ARHGEF10: variants seen among roughly 807,000 people sequenced by gnomAD.
The protein encoded by ARHGEF10 is Rho guanine nucleotide exchange factor 10.
Under a neutral mutation model 147.4 loss-of-function variants are expected in ARHGEF10, and 140 were observed. The ratio of observed to expected loss-of-function variants is 0.95; its 90% CI spans 0.83 to 1.09. The LOEUF is 1.09. Ranked by LOEUF, ARHGEF10 falls within the 50% of genes least tolerant of loss-of-function variation. The pLI is 0.00. For synonymous variants in ARHGEF10, 902 were observed against 695.8 expected (o/e 1.30, Z -4.67); for missense variants, 2,222 against 1,752.7 (o/e 1.27, Z -4.78).
At chr8:1,902,241 G>C (rs971528260) in intron 15 of ARHGEF10, among the ~76,000 whole-genome samples, 1 of 151,842 alleles carries the variant, frequency 6.6e-6, no homozygotes, top group Admixed American at 6.6e-5. Flanking sequence ...TTCTGAGAAA[G>C]AGTGTTTCAA....
At chr8:1,869,600 T>TTA in intron 7 of ARHGEF10, 1 of 397,842 alleles carries the variant, frequency 2.5e-6, no homozygotes, top group Non-Finnish European at 4.7e-6. Flanking sequence ...CAGGCAAAGG[T>TTA]AATAGTCAAA....
upstream of ARHGEF10, among the ~76,000 whole-genome samples, chr8:1,823,731 C>T (rs533373189): frequency 2.5e-4 from 38 of 151,936 alleles, 1 homozygote; most frequent in East Asian, 6.9e-3. Context: ...CGCGCCCCCT[C>T]CCACGCGTGC....
At chr8:1,837,584 C>T (rs768901240) in intron 1 of ARHGEF10, among the ~76,000 whole-genome samples, 1 of 152,172 alleles carries the variant, frequency 6.6e-6, no homozygotes, top group African/African-American at 2.4e-5. Flanking sequence ...CACACAAAGC[C>T]ACGTGGCTGT....
At chr8:1,869,296 C>T (rs751376511) in intron 7 of ARHGEF10, 46 bp downstream of exon 7, 28 of 1,543,556 alleles carry the variant, frequency 1.8e-5, no homozygotes, top group Non-Finnish European at 2.4e-5. Flanking sequence ...AGCTCAGCAG[C>T]CTTTCCCTCT....
chr8:1,899,938 G>A (rs1030078615), intron 15 of ARHGEF10, among the ~76,000 whole-genome samples: 1 of 152,148 alleles, frequency 6.6e-6, no homozygotes, highest in African/African-American at 2.4e-5. Context: ...GAACCATACG[G>A]GCGGGTGAAC....
In ARHGEF10 at chr8:1,864,544, G is replaced by T. The variant is rs920009320; in HGVS notation, c.545+108G>T. On this transcript the variant is annotated intron_variant, in intron 5 of 28. Coordinates refer to ENST00000349830, the MANE Select transcript of ARHGEF10 (RefSeq NM_014629.4). ...CTGCCCGCCATCCTCAGCTCTGCGC[G>T]GCGGGAGCTGTCCCAACCCCACCTC... 4 of 1,193,910 alleles carry T rather than the reference G, an allele frequency of 3.4e-6. No homozygotes were observed. The African/African-American group carries it at 6.0e-5, about 18-fold the overall frequency. The allele number at this position is 1,193,910 out of a possible 1,614,324, so 74.0% of individuals were successfully genotyped here.
At chr8:1,942,955 A>C (rs967078872) in intron 26 of ARHGEF10, among the ~76,000 whole-genome samples, 4 of 152,304 alleles carry the variant, frequency 2.6e-5, no homozygotes, top group African/African-American at 9.6e-5. Context: ...GGGTGATAAA[A>C]TGTTCTGGAA....
In ARHGEF10 at chr8:1,898,488, C is replaced by G; in HGVS notation, c.1613C>G (p.Pro538Arg). ...ACGCTCTACAGCCTGATGATGAAGC[C>G]CATCCAGAGGTTCCCACAGTTCATC... Reference protein sequence around the residue: ...RTTLYSLMMKPIQRFPQFILL... With the variant: ...RTTLYSLMMKRIQRFPQFILL... The change falls in exon 15 of 29, where the codon CCC becomes CGC. Residue 538 changes from proline (P) to arginine (R), a missense_variant. Transcript: ENST00000349830. 6.2e-7 allele frequency: 1 copy of G among 1,614,142 alleles called. No homozygotes were observed. The highest frequency in any genetic ancestry group is 8.5e-7 in the Non-Finnish European group (1 of 1,180,018).
intron 23 of ARHGEF10, among the ~76,000 whole-genome samples, chr8:1,927,716 C>T (rs940217464): frequency 2.1e-4 from 32 of 152,120 alleles, no homozygotes; most frequent in African/African-American, 7.7e-4. Flanking sequence ...AGTTTGAGAC[C>T]AGCCTGGCCA....
At chr8:1,833,432 ACAGAGGCAGGGGCAGAGACAGGGG>A (rs1460411489) in intron 1 of ARHGEF10, among the ~76,000 whole-genome samples, 18 of 151,534 alleles carry the variant, frequency 1.2e-4, no homozygotes, top group Non-Finnish European at 2.4e-4. Context: ...AGAGACAGAG[ACAGAGGCAGGGGCAGAGACAGGGG>A]CAGAGGCAGG....
intron 13 of ARHGEF10, among the ~76,000 whole-genome samples, chr8:1,895,344 G>A (rs1489737309): frequency 1.3e-5 from 2 of 152,184 alleles, no homozygotes; most frequent in Non-Finnish European, 2.9e-5. Context: ...CTATCAAAGG[G>A]ATATAAGCTT....
chr8:1,907,419 G>A (rs1810986232), intron 17 of ARHGEF10, among the ~76,000 whole-genome samples: 1 of 152,158 alleles, frequency 6.6e-6, no homozygotes, highest in Non-Finnish European at 1.5e-5. Context: ...TGGGAGACAA[G>A]ATCATAGAAG....
intron 26 of ARHGEF10, among the ~76,000 whole-genome samples, chr8:1,942,466 G>A (rs1814180328): frequency 1.3e-5 from 2 of 151,852 alleles, no homozygotes; most frequent in South Asian, 2.1e-4. Context: ...AGCACGCACT[G>A]CAGAGTACGT....
chr8:1,901,152 A>AG (rs1262894916), intron 15 of ARHGEF10, among the ~76,000 whole-genome samples: 3 of 152,062 alleles, frequency 2.0e-5, no homozygotes, highest in Non-Finnish European at 4.4e-5. Context: ...GTGGGTACTC[A>AG]GGGCACCCGG....
intron 1 of ARHGEF10, among the ~76,000 whole-genome samples, chr8:1,842,438 C>T (rs192250116): frequency 8.9e-4 from 135 of 152,338 alleles, no homozygotes; most frequent in African/African-American, 2.9e-3. Context: ...CTCGCGTTCC[C>T]CTCATTGAAT....
At chr8:1,832,141 G>A (rs906285970) in intron 1 of ARHGEF10, among the ~76,000 whole-genome samples, 3 of 152,302 alleles carry the variant, frequency 2.0e-5, no homozygotes, top group African/African-American at 7.2e-5. Context: ...GGTGCCTGTC[G>A]AAGGGGCAGC....
intron 2 of ARHGEF10, among the ~76,000 whole-genome samples, chr8:1,854,162 C>T (rs909813931): frequency 2.0e-4 from 30 of 152,318 alleles, no homozygotes; most frequent in Admixed American, 9.8e-4. Flanking sequence ...TCCCCCAGGG[C>T]CCAGGGCAGT....
In ARHGEF10 at chr8:1,925,278, T is replaced by C; in HGVS notation, c.2489-5T>C. On this transcript the variant is annotated splice_polypyrimidine_tract_variant and splice_region_variant and intron_variant, in intron 21 of 28. Coordinates refer to ENST00000349830, the MANE Select transcript of ARHGEF10 (RefSeq NM_014629.4). ...TTGCTCATTTCTCTCTGAATATAAT[T>C]GCAGAAGAGGAGAACCACATGGGCT... 6.2e-7 allele frequency: 1 copy of C among 1,614,192 alleles called. No homozygotes were observed. Among genetic ancestry groups the C allele is most frequent in the Non-Finnish European group, 8.5e-7 (1 of 1,180,040 alleles).
Position 1,841,992 on chromosome 8 carries a change from G to GCCGCGACCGGAACTGGGT in ARHGEF10, c.-47-1356_-47-1355insACCGGAACTGGGTCCGCG, listed in dbSNP as rs1563162002. Among the ~76,000 whole-genome samples the GCCGCGACCGGAACTGGGT allele has an allele frequency of 9.0e-4, 38 of 42,056 alleles. 1 individual carries two copies. The highest frequency in any genetic ancestry group is 1.2e-3 in the Non-Finnish European group (26 of 22,250). 27.6% of individuals were successfully genotyped at this position (42,056 alleles called of 152,430 possible). A position where few individuals can be genotyped will look rare whatever the true frequency, so the allele number is the denominator to read the frequency against. ...AACTGGGGCCGCGGCGGGAACTGGG[G>GCCGCGACCGGAACTGGGT]CCGCGGCGGGAACTGGGGCCGCGGC... On this transcript the variant is annotated intron_variant, in intron 1 of 28. Transcript: ENST00000349830.
Sources: gnomAD v4.1 joint callset for allele counts (sites outside exome capture counted in the v4.1 genomes callset) on GRCh38, gnomAD v4.1.1 for gene constraint, MANE v1.5 for transcripts, NCBI Gene and HGNC (gene_info 2026-07-23, HGNC 2026-07-21) for gene names.